FRMD6: variants seen among roughly 807,000 people sequenced by gnomAD.
FRMD6 encodes FERM domain-containing protein 6.
FRMD6 carries 37 observed loss-of-function variants against 73.2 expected under a neutral mutation model. That is an observed-to-expected ratio of 0.51 (90% CI 0.39 to 0.66). The LOEUF (loss-of-function observed/expected upper bound fraction) is 0.66, where lower values mean the gene tolerates loss of function less well. FRMD6 is among the 30% of genes least tolerant of loss of function. The pLI is 0.00. For missense variants in FRMD6, 714 were observed against 780.5 expected (o/e 0.91, Z 1.02); for synonymous variants, 273 against 282.2 (o/e 0.97, Z 0.33).
At chr14:51,692,392 A>G (rs960143006) in intron 2 of FRMD6, among the ~76,000 whole-genome samples, 12 of 152,164 alleles carry the variant, frequency 7.9e-5, no homozygotes, top group African/African-American at 2.9e-4. Context: ...ATAATTTTTA[A>G]AAATATACAT....
chr14:51,630,045 G>A (rs1475442115), intron 2 of FRMD6, among the ~76,000 whole-genome samples: 1 of 152,056 alleles, frequency 6.6e-6, no homozygotes, highest in African/African-American at 2.4e-5. Flanking sequence ...GCATATTGAA[G>A]TAGATTCCTT....
chr14:51,552,529 G>A (rs746018357), intron 1 of FRMD6, among the ~76,000 whole-genome samples: 1 of 152,202 alleles, frequency 6.6e-6, no homozygotes, highest in African/African-American at 2.4e-5. Flanking sequence ...CTGCAAAACT[G>A]GAGTGCGATG....
intron 1 of FRMD6, among the ~76,000 whole-genome samples, chr14:51,491,771 T>C (rs981421129): frequency 3.3e-5 from 5 of 152,208 alleles, no homozygotes; most frequent in Admixed American, 3.3e-4. Context: ...GAAAATCAAA[T>C]TGATCTTGAA....
intron 1 of FRMD6, among the ~76,000 whole-genome samples, chr14:51,554,191 CAAAT>C (rs1886992452): frequency 6.6e-6 from 1 of 151,906 alleles, no homozygotes; most frequent in Non-Finnish European, 1.5e-5. Flanking sequence ...AACAATTTGA[CAAAT>C]AAAATAAATA....
chr14:51,462,436 C>T, the FRMD6 span, among the ~76,000 whole-genome samples: 1 of 152,296 alleles, frequency 6.6e-6, no homozygotes, highest in Admixed American at 6.5e-5. Context: ...CCTGCTTGTG[C>T]CTGCTTGAAC....
chr14:51,559,643 T>C (rs1218699562), intron 1 of FRMD6, among the ~76,000 whole-genome samples: 3 of 152,164 alleles, frequency 2.0e-5, no homozygotes, highest in Middle Eastern at 3.2e-3. Flanking sequence ...ACATTCTGCT[T>C]ATCCACTATT....
At chr14:51,562,643 A>G (rs1887545740) in intron 1 of FRMD6, among the ~76,000 whole-genome samples, 1 of 152,198 alleles carries the variant, frequency 6.6e-6, no homozygotes, top group African/African-American at 2.4e-5. Context: ...ATATCTAAAC[A>G]GGTTATCATA....
intron 2 of FRMD6, among the ~76,000 whole-genome samples, chr14:51,614,050 G>A (rs1296486315): frequency 6.6e-6 from 1 of 152,050 alleles, no homozygotes; most frequent in African/African-American, 2.4e-5. Context: ...ATGCAGTAGT[G>A]ACCATTACAT....
At chr14:51,443,534 GA>G in the FRMD6 span, among the ~76,000 whole-genome samples, 1 of 152,224 alleles carries the variant, frequency 6.6e-6, no homozygotes, top group Non-Finnish European at 1.5e-5. Context: ...TGTGCTTTAT[GA>G]AACCAAAGGC....
chr14:51,415,054 G>A, the FRMD6 span, among the ~76,000 whole-genome samples: 1 of 152,218 alleles, frequency 6.6e-6, no homozygotes, highest in African/African-American at 2.4e-5. Flanking sequence ...ATTTTGGGCT[G>A]AGATGATGGG....
chr14:51,440,992 C>A, the FRMD6 span, among the ~76,000 whole-genome samples: 1 of 152,228 alleles, frequency 6.6e-6, no homozygotes, highest in Non-Finnish European at 1.5e-5. Context: ...TTTAGAACAT[C>A]TTTGGCCTCT....
intron 1 of FRMD6, among the ~76,000 whole-genome samples, chr14:51,510,021 A>G (rs565518495): frequency 3.5e-4 from 54 of 152,368 alleles, no homozygotes; most frequent in African/African-American, 1.3e-3. Flanking sequence ...CTTCAGGCCT[A>G]GCACCCTAGG....
chr14:51,398,708 A>G, the FRMD6 span, among the ~76,000 whole-genome samples: 8 of 152,174 alleles, frequency 5.3e-5, no homozygotes, highest in Admixed American at 5.2e-4. Context: ...TTACACCCTG[A>G]TATGCTAATA....
chr14:51,409,091 C>T, the FRMD6 span, among the ~76,000 whole-genome samples: 1 of 152,134 alleles, frequency 6.6e-6, no homozygotes, highest in African/African-American at 2.4e-5. Context: ...TCACATTTCA[C>T]AGGGATGGGG....
At chr14:51,400,048 A>C in the FRMD6 span, among the ~76,000 whole-genome samples, 1 of 152,278 alleles carries the variant, frequency 6.6e-6, no homozygotes, top group South Asian at 2.1e-4. Flanking sequence ...ACATGCATAC[A>C]TTGTGGAATG....
chr14:51,539,920 G>A (rs952328417), intron 1 of FRMD6, among the ~76,000 whole-genome samples: 1 of 152,146 alleles, frequency 6.6e-6, no homozygotes. Flanking sequence ...CAAAAATAGG[G>A]AAATCCCCAA....
At chr14:51,684,736 A>G (rs972089422) in intron 1 of FRMD6, among the ~76,000 whole-genome samples, 4 of 152,264 alleles carry the variant, frequency 2.6e-5, no homozygotes, top group Admixed American at 2.6e-4. Flanking sequence ...CACCAAAAAG[A>G]ATATTTGGCC....
At chr14:51,727,063 G>T (rs111843681) in intron 13 of FRMD6, among the ~76,000 whole-genome samples, 5 of 151,660 alleles carry the variant, frequency 3.3e-5, no homozygotes, top group Non-Finnish European at 7.4e-5. Context: ...TACAGCATTT[G>T]GCGGAACCCC....
At chr14:51,435,058 A>G in the FRMD6 span, among the ~76,000 whole-genome samples, 1 of 152,238 alleles carries the variant, frequency 6.6e-6, no homozygotes, top group South Asian at 2.1e-4. Flanking sequence ...ACCGAATACA[A>G]TGTGGAATCC....
Sources: gnomAD v4.1 joint callset for allele counts (sites outside exome capture counted in the v4.1 genomes callset) on GRCh38, gnomAD v4.1.1 for gene constraint, MANE v1.5 for transcripts, NCBI Gene and HGNC (gene_info 2026-07-23, HGNC 2026-07-21) for gene names.